ATP5F1A: variants seen among roughly 807,000 people sequenced by gnomAD.
ATP5F1A encodes the protein ATP synthase F1 subunit alpha.
Under a neutral mutation model 57.4 loss-of-function variants are expected in ATP5F1A, and 24 were observed. The observed-to-expected ratio is 0.42, with a 90% CI of 0.30 to 0.59. ATP5F1A has a LOEUF of 0.59. ATP5F1A is among the 20% of genes least tolerant of loss of function. The probability of loss-of-function intolerance (pLI) is 0.19; values close to 1 mark genes in which losing one functional copy is unlikely to be tolerated. For synonymous variants in ATP5F1A, 251 were observed against 255.5 expected (o/e 0.98, Z 0.17); for missense variants, 494 against 707.9 (o/e 0.70, Z 3.43).
rs1910423678 is a variant in ATP5F1A, at chr18:46,089,863, C to T, written c.443G>A (p.Gly148Asp). ...ATTACCAAGGGCATCAACTACACGA[C>T]CCAACAGCTCCTCACCAACTGGAAC... Reference protein sequence around the residue: ...VDVPVGEELLGRVVDALGNAI... With the variant: ...VDVPVGEELLDRVVDALGNAI... The change falls in exon 4 of 12, where the codon GGT (glycine) becomes GAT (aspartate). Residue 148 changes from glycine to aspartate, a missense_variant. Transcript: ENST00000398752. 1.2e-6 allele frequency: 2 copies of T among 1,613,466 alleles called. No individual in the cohort carries two copies. Among genetic ancestry groups the T allele is most frequent in the East Asian group, 4.5e-5 (2 of 44,880 alleles).
In ATP5F1A at chr18:46,084,350, T is replaced by C; in HGVS notation, c.1594A>G (p.Ile532Val). ...AGCTTTGCATCTGATTGTTCTGAGA[T>C]CTTTCCATCAGCCCTATTTGGAAAT... ...LLGTIRADGK[I>V]SEQSDAKLKE... is the part of the protein sequence containing the mutation. The change falls in exon 12 of 12, where the codon ATC becomes GTC. Residue 532 changes from isoleucine to valine, a missense_variant. Around this residue, in one of 6 missense-constraint regions of ATP5F1A, gnomAD observed 127 missense variants for 195.2 expected, o/e 0.65. Coordinates refer to ENST00000398752, the MANE Select transcript of ATP5F1A (RefSeq NM_004046.6). 3 of 1,613,362 alleles carry C rather than the reference T, an allele frequency of 1.9e-6. No homozygotes were observed. The highest frequency in any genetic ancestry group is 2.5e-6 in the Non-Finnish European group (3 of 1,179,848).
At position 46,086,488 on chromosome 18, in the gene ATP5F1A, A is replaced by G; in HGVS notation, c.1183T>C (p.Leu395=). ...VISITDGQIF[L]ETELFYKGIR... The stretch of plus-strand genomic sequence containing the variant: ...CCTTTGTAGAACAATTCTGTTTCCA[A>G]GAAGATCTATAATGTAAGGAAATAC... The change falls in exon 9 of 12, where the codon TTG becomes CTG. Residue 395 remains leucine, a synonymous_variant. Coordinates refer to ENST00000398752, the MANE Select transcript of ATP5F1A (RefSeq NM_004046.6). The G allele has an allele frequency of 3.7e-6, 6 of 1,613,860 alleles. No individual in the cohort carries two copies. Among genetic ancestry groups the G allele is most frequent in the East Asian group, 2.2e-5 (1 of 44,888 alleles).
intron 3 of ATP5F1A, among the ~76,000 whole-genome samples, chr18:46,091,274 G>A (rs1800639): frequency 6.6e-6 from 1 of 152,014 alleles, no homozygotes; most frequent in African/African-American, 2.4e-5. Context: ...ACCAAAACTC[G>A]CCTTTGAACA....
At position 46,091,550 on chromosome 18, in the gene ATP5F1A, T is replaced by C. The variant is rs74595364; in HGVS notation, c.309+132A>G. 3,958 of 998,236 alleles carry C rather than the reference T, an allele frequency of 4.0e-3. 67 individuals carry two copies. In the Admixed American group the frequency reaches 0.041, roughly 10 times the overall value. 61.8% of individuals were successfully genotyped at this position (998,236 alleles called of 1,614,324 possible). A position where few individuals can be genotyped will look rare whatever the true frequency, so the allele number is the denominator to read the frequency against. On this transcript the variant is annotated intron_variant, in intron 3 of 11. Coordinates refer to ENST00000398752, the MANE Select transcript of ATP5F1A (RefSeq NM_004046.6). ...AGTTTATTCTCTTTACAATCTATGA[T>C]AATAACAAGAAAAAAATCTGAGGCA...
At chr18:46,092,358 T>C (rs957277323) in intron 2 of ATP5F1A, among the ~76,000 whole-genome samples, 7 of 148,322 alleles carry the variant, frequency 4.7e-5, no homozygotes, top group Non-Finnish European at 9.0e-5. Flanking sequence ...GTGGTAATGC[T>C]AGCACTTTAG....
At chr18:46,090,186 T>A (rs1026856449) in intron 3 of ATP5F1A, among the ~76,000 whole-genome samples, 190 bp from the exon 4 acceptor site, 5 of 152,222 alleles carry the variant, frequency 3.3e-5, no homozygotes, top group African/African-American at 2.4e-5. Flanking sequence ...AATTGCTATT[T>A]TGAATAATCT....
rs1005972385 is a variant in ATP5F1A at position 46,080,652 on chromosome 18, T to A, written c.*3630A>T. The A allele has an allele frequency of 6.6e-6, 1 of 150,600 alleles. No individual in the cohort carries two copies. The highest frequency in any genetic ancestry group is 1.5e-5 in the Non-Finnish European group (1 of 67,608). 9.3% of individuals were successfully genotyped at this position (150,600 alleles called of 1,614,324 possible). ...TTTAAGAGTCAGGGTCTCTGTCACC[T>A]AGGCTGGAGTGCAGTGGCGTGATCA... On this transcript the variant is annotated 3_prime_UTR_variant, in exon 12 of 12. Coordinates refer to ENST00000398752, the MANE Select transcript of ATP5F1A (RefSeq NM_004046.6).
At chr18:46,094,864 A>T (rs1599787158) in intron 2 of ATP5F1A, 189 bp downstream of exon 2, 1 of 833,908 alleles carries the variant, frequency 1.2e-6, no homozygotes, top group South Asian at 4.7e-5. Flanking sequence ...ATGTAACAGT[A>T]GTTCATTTGA....
At chr18:46,096,216 A>C (rs563026879) in intron 1 of ATP5F1A, among the ~76,000 whole-genome samples, 1 of 150,796 alleles carries the variant, frequency 6.6e-6, no homozygotes, top group South Asian at 2.2e-4. Context: ...AAAAGCAACT[A>C]TTGGCAGGGC....
At chr18:46,086,317 T>C (rs781045960) in intron 9 of ATP5F1A, 60 bp from the exon 10 acceptor site, 1 of 813,260 alleles carries the variant, frequency 1.2e-6, no homozygotes, top group Non-Finnish European at 1.8e-6. Flanking sequence ...ACAAATATAG[T>C]TAATATATTA....
chr18:46,085,933 C>CAAAAA, intron 10 of ATP5F1A, 180 bp downstream of exon 10: 1 of 597,732 alleles, frequency 1.7e-6, no homozygotes, highest in South Asian at 2.7e-5. Flanking sequence ...AACTTCGTCT[C>CAAAAA]AAAAAAAAAA....
At chr18:46,085,870 T>C (rs1314940898) in intron 10 of ATP5F1A, 6 of 449,734 alleles carry the variant, frequency 1.3e-5, no homozygotes, top group South Asian at 3.4e-5. Flanking sequence ...GAGGTGGAGG[T>C]TGCAATGAGC....
intron 5 of ATP5F1A, 98 bp from the exon 6 acceptor site, chr18:46,088,355 GA>G (rs1910280766): frequency 8.8e-7 from 1 of 1,130,508 alleles, no homozygotes; most frequent in Admixed American, 2.8e-5. Flanking sequence ...TGTCTATGCA[GA>G]AAGAAGAAGA....
At chr18:46,084,477 A>AGT in intron 11 of ATP5F1A, 27 bp downstream of exon 11, 1 of 1,577,154 alleles carries the variant, frequency 6.3e-7, no homozygotes, top group Non-Finnish European at 8.6e-7. Context: ...TAACTTTAAA[A>AGT]AAAGATGCCA....
At chr18:46,095,022 G>C in intron 2 of ATP5F1A, 31 bp downstream of exon 2, 2 of 1,590,078 alleles carry the variant, frequency 1.3e-6, no homozygotes, top group Non-Finnish European at 1.7e-6. Flanking sequence ...CATCTAGTAA[G>C]TGCGGCGTAG....
chr18:46,092,077 T>C (rs1282369792), intron 2 of ATP5F1A: 1 of 256,564 alleles, frequency 3.9e-6, no homozygotes, highest in Non-Finnish European at 7.3e-6. Context: ...AGGCGGAGGC[T>C]GAGGCAGAAG....
At position 46,080,433 on chromosome 18, in the gene ATP5F1A, C is replaced by T. The variant is rs1415352684; in HGVS notation, c.*3849G>A. 6.6e-6 allele frequency: 1 copy of T among 152,128 alleles called. No individual in the cohort carries two copies. Among genetic ancestry groups the T allele is most frequent in the Non-Finnish European group, 1.5e-5 (1 of 68,032 alleles). The allele number at this position is 152,128 out of a possible 1,614,324, so 9.4% of individuals were successfully genotyped here. A position where few individuals can be genotyped will look rare whatever the true frequency, so the allele number is the denominator to read the frequency against. On this transcript the variant is annotated 3_prime_UTR_variant, in exon 12 of 12. Coordinates refer to ENST00000398752, the MANE Select transcript of ATP5F1A (RefSeq NM_004046.6). The stretch of plus-strand genomic sequence containing the variant: ...CACTTGGGCAGTGTATTTAGGCCTG[C>T]CTGGTTAAAAACAGCCAGGTGCCTA...
At chr18:46,101,931 T>C (rs1377932820), upstream of ATP5F1A, among the ~76,000 whole-genome samples, 4 of 150,456 alleles carry the variant, frequency 2.7e-5, no homozygotes, top group Non-Finnish European at 5.9e-5. Context: ...TCCCAGCACG[T>C]TGGGAGGCTG....
intron 3 of ATP5F1A, 67 bp downstream of exon 3, chr18:46,091,615 G>T (rs1346778391): frequency 2.8e-6 from 4 of 1,440,700 alleles, no homozygotes; most frequent in Non-Finnish European, 3.7e-6. Context: ...TACAATCTTT[G>T]AATCGCTAAA....
Sources: gnomAD v4.1 joint callset for allele counts (sites outside exome capture counted in the v4.1 genomes callset) on GRCh38, gnomAD v4.1.1 for gene constraint, gnomAD v4.1.1 regional missense constraint, MANE v1.5 for transcripts, NCBI Gene and HGNC (gene_info 2026-07-23, HGNC 2026-07-21) for gene names.